Variants in FARS2 observed in about 807,000 individuals in gnomAD.
The protein encoded by FARS2 is phenylalanyl-tRNA synthetase 2, mitochondrial.
In FARS2, 40 loss-of-function variants were observed where a neutral mutation model predicts 46.4. The ratio of observed to expected loss-of-function variants is 0.86; its 90% CI spans 0.67 to 1.12. The LOEUF is 1.12. FARS2 is among the 50% of genes most tolerant of loss of function. The pLI, the probability that FARS2 is intolerant of heterozygous loss-of-function variation, is 0.00. For missense variants in FARS2, 513 were observed against 567.9 expected, an observed-to-expected ratio of 0.90 and a Z score of 0.98; for synonymous variants, 234 against 214.9, an observed-to-expected ratio of 1.09 and a Z score of -0.78.
chr6:5,673,863 T>C (rs1273538511), intron 6 of FARS2, among the ~76,000 whole-genome samples: 2 of 152,152 alleles, frequency 1.3e-5, no homozygotes, highest in Admixed American at 6.5e-5. Context: ...ATATATATAA[T>C]GTATCTGTAC....
chr6:5,302,042 T>A (rs143712662), intron 1 of FARS2, among the ~76,000 whole-genome samples: 48 of 152,072 alleles, frequency 3.2e-4, no homozygotes, highest in Non-Finnish European at 6.5e-4. Flanking sequence ...CTTTTCCAGT[T>A]ACCAGTCATG....
At chr6:5,649,998 G>T (rs907657903) in intron 6 of FARS2, among the ~76,000 whole-genome samples, 15 of 152,178 alleles carry the variant, frequency 9.9e-5, no homozygotes, top group African/African-American at 3.6e-4. Context: ...AAAGGTTCAG[G>T]TGACAATCGT....
At chr6:5,562,935 C>T (rs1249387475) in intron 5 of FARS2, among the ~76,000 whole-genome samples, 1 of 151,858 alleles carries the variant, frequency 6.6e-6, no homozygotes, top group Non-Finnish European at 1.5e-5. Flanking sequence ...TCCCGAGTAG[C>T]TGGGATTACA....
intron 6 of FARS2, among the ~76,000 whole-genome samples, chr6:5,744,898 G>T (rs937370536): frequency 6.6e-6 from 1 of 152,094 alleles, no homozygotes; most frequent in African/African-American, 2.4e-5. Context: ...AATAATGCCC[G>T]AATCAAGAGC....
At chr6:5,716,557 TC>T (rs1759503736) in intron 6 of FARS2, among the ~76,000 whole-genome samples, 1 of 152,168 alleles carries the variant, frequency 6.6e-6, no homozygotes, top group South Asian at 2.1e-4. Flanking sequence ...CCAGCAGGTG[TC>T]CTCCAATTCA....
At chr6:5,344,360 C>G (rs749630835) in intron 1 of FARS2, among the ~76,000 whole-genome samples, 1 of 152,204 alleles carries the variant, frequency 6.6e-6, no homozygotes, top group African/African-American at 2.4e-5. Flanking sequence ...AAGGCCCTGA[C>G]GTAGATATGT....
At chr6:5,473,546 A>AAC (rs1561645397) in intron 4 of FARS2, among the ~76,000 whole-genome samples, 5 of 26,770 alleles carry the variant, frequency 1.9e-4, no homozygotes, top group East Asian at 1.7e-3. Context: ...AAAAAAAAAC[A>AAC]AAAAAAAAAA....
At chr6:5,504,129 CA>C in intron 4 of FARS2, among the ~76,000 whole-genome samples, 1 of 152,210 alleles carries the variant, frequency 6.6e-6, no homozygotes, top group African/African-American at 2.4e-5. Flanking sequence ...ATGGTAGGTA[CA>C]CAAAATTTAA....
chr6:5,521,432 G>A (rs374175964), intron 4 of FARS2, among the ~76,000 whole-genome samples: 14 of 152,158 alleles, frequency 9.2e-5, no homozygotes, highest in Admixed American at 5.9e-4. Context: ...TGTATAAAGG[G>A]AAAGGCAGGG....
intron 6 of FARS2, among the ~76,000 whole-genome samples, chr6:5,669,202 A>G (rs1288743881): frequency 6.6e-6 from 1 of 152,200 alleles, no homozygotes; most frequent in East Asian, 1.9e-4. Flanking sequence ...ATTCCTTGAC[A>G]CGGAGCAGAC....
chr6:5,400,696 T>C (rs1761206094), intron 2 of FARS2, among the ~76,000 whole-genome samples: 1 of 151,918 alleles, frequency 6.6e-6, no homozygotes, highest in Admixed American at 6.6e-5. Flanking sequence ...ATTTCCTAAT[T>C]ATGTTTTTAG....
At chr6:5,688,837 T>G (rs897685326) in intron 6 of FARS2, among the ~76,000 whole-genome samples, 1 of 151,972 alleles carries the variant, frequency 6.6e-6, no homozygotes, top group Non-Finnish European at 1.5e-5. Flanking sequence ...GTCCTGGACT[T>G]TTTTTGGTTG....
chr6:5,405,575 C>T (rs1211174129), intron 3 of FARS2, among the ~76,000 whole-genome samples: 8 of 142,648 alleles, frequency 5.6e-5, no homozygotes, highest in Non-Finnish European at 4.5e-5. Flanking sequence ...TCACTGCAAG[C>T]TCTGCCTCCT....
chr6:5,481,782 C>T (rs144419465), intron 4 of FARS2, among the ~76,000 whole-genome samples: 51 of 143,336 alleles, frequency 3.6e-4, no homozygotes, highest in African/African-American at 9.7e-4. Flanking sequence ...GATACTTAGG[C>T]GGATTGGAAT....
At chr6:5,383,639 C>T (rs1759932396) in intron 2 of FARS2, among the ~76,000 whole-genome samples, 1 of 152,230 alleles carries the variant, frequency 6.6e-6, no homozygotes, top group South Asian at 2.1e-4. Flanking sequence ...CTGCCCTGCC[C>T]ATCCCCTTCT....
At chr6:5,331,334 A>G (rs1023881311) in intron 1 of FARS2, among the ~76,000 whole-genome samples, 11 of 152,184 alleles carry the variant, frequency 7.2e-5, no homozygotes, top group African/African-American at 2.4e-4. Flanking sequence ...TTAGATCTTC[A>G]TAATGAGAGA....
At chr6:5,373,408 C>T (rs1759178989) in intron 2 of FARS2, among the ~76,000 whole-genome samples, 1 of 152,082 alleles carries the variant, frequency 6.6e-6, no homozygotes, top group Non-Finnish European at 1.5e-5. Context: ...TATAGAGTCT[C>T]CCCCAAAATG....
intron 4 of FARS2, among the ~76,000 whole-genome samples, chr6:5,454,443 G>A (rs551866709): frequency 4.3e-4 from 65 of 152,092 alleles, no homozygotes; most frequent in South Asian, 2.7e-3. Flanking sequence ...CCAGGTTCAA[G>A]CGATTCTCCT....
chr6:5,331,591 A>G (rs979042912), intron 1 of FARS2, among the ~76,000 whole-genome samples: 1 of 152,206 alleles, frequency 6.6e-6, no homozygotes, highest in Non-Finnish European at 1.5e-5. Context: ...ATGAAGATGG[A>G]CATGTGTAAG....
Sources: gnomAD v4.1 joint callset for allele counts (sites outside exome capture counted in the v4.1 genomes callset) on GRCh38, gnomAD v4.1.1 for gene constraint, MANE v1.5 for transcripts, NCBI Gene and HGNC (gene_info 2026-07-23, HGNC 2026-07-21) for gene names.